The following NR3C2 variants were observed in gnomAD, a reference collection of about 807,000 sequenced individuals.
NR3C2 encodes mineralocorticoid receptor.
In NR3C2, 15 loss-of-function variants were observed where a neutral mutation model predicts 86.4. The observed-to-expected ratio is 0.17, with a 90% CI of 0.12 to 0.27. The LOEUF (loss-of-function observed/expected upper bound fraction) is 0.27, where lower values mean the gene tolerates loss of function less well. Among genes scored for constraint, NR3C2 ranks in the 10% least tolerant of loss-of-function variants. The probability of loss-of-function intolerance (pLI) is 1.00; values close to 1 mark genes in which losing one functional copy is unlikely to be tolerated. For missense variants in NR3C2, 960 were observed against 1,195.6 expected, an observed-to-expected ratio of 0.80 and a Z score of 2.91; for synonymous variants, 458 against 450.5, an observed-to-expected ratio of 1.02 and a Z score of -0.21.
intron 4 of NR3C2, 39 bp from the exon 5 acceptor site, chr4:148,154,940 A>G: frequency 6.7e-7 from 1 of 1,484,674 alleles, no homozygotes. Context: ...AATTAAAATT[A>G]TGTTTGAAAT....
chr4:148,418,203 A>G (rs1749105309), intron 2 of NR3C2, among the ~76,000 whole-genome samples: 2 of 152,182 alleles, frequency 1.3e-5, no homozygotes, highest in South Asian at 4.1e-4. Context: ...TGTGCAGCCT[A>G]TCTTATCTAT....
intron 2 of NR3C2, among the ~76,000 whole-genome samples, chr4:148,354,491 T>C (rs115667864): frequency 9.3e-4 from 141 of 152,134 alleles, no homozygotes; most frequent in African/African-American, 3.3e-3. Context: ...CACAATCCAA[T>C]CCTGCAGGTA....
intron 2 of NR3C2, among the ~76,000 whole-genome samples, chr4:148,406,228 A>G (rs1391858551): frequency 1.3e-5 from 2 of 152,144 alleles, no homozygotes; most frequent in Non-Finnish European, 2.9e-5. Flanking sequence ...TTCATGAGGC[A>G]TGCATTCTAG....
At chr4:148,181,457 G>A (rs890413361) in intron 4 of NR3C2, among the ~76,000 whole-genome samples, 5 of 152,280 alleles carry the variant, frequency 3.3e-5, no homozygotes, top group African/African-American at 1.2e-4. Flanking sequence ...CTATGGCCAG[G>A]GGGCAGTCAA....
At chr4:148,253,808 C>T (rs1739692556) in intron 3 of NR3C2, among the ~76,000 whole-genome samples, 1 of 152,166 alleles carries the variant, frequency 6.6e-6, no homozygotes, top group African/African-American at 2.4e-5. Context: ...TCATCACCCC[C>T]TCACTAGAAT....
chr4:148,146,202 G>A (rs551647279), intron 6 of NR3C2, among the ~76,000 whole-genome samples: 5 of 152,176 alleles, frequency 3.3e-5, no homozygotes, highest in East Asian at 1.9e-4. Context: ...CCCAACCATC[G>A]CTGGCCCTAA....
rs1578878652 is a variant in NR3C2 at position 148,097,827 on chromosome 4, C to T, written c.2799+16277G>A. Among the ~76,000 whole-genome samples the T allele has an allele frequency of 2.8e-5, 4 of 141,084 alleles. No homozygotes were observed. The Admixed American group carries it at 3.1e-4, about 11-fold the overall frequency. The allele number at this position is 141,084 out of a possible 152,430, so 92.6% of individuals were successfully genotyped here. ...TTATGTGCAGCCCAAGACAATTCTT[C>T]TTCCAATGTGGCCCAGGGAAGCCAA... On this transcript the variant is annotated intron_variant, in intron 8 of 8. Transcript: ENST00000358102.
At chr4:148,265,289 G>A (rs920366425) in intron 2 of NR3C2, among the ~76,000 whole-genome samples, 1 of 152,152 alleles carries the variant, frequency 6.6e-6, no homozygotes, top group African/African-American at 2.4e-5. Flanking sequence ...TTTGGTGACA[G>A]TCAGGAGGAA....
At chr4:148,427,433 G>T (rs377259839) in intron 2 of NR3C2, among the ~76,000 whole-genome samples, 2 of 151,984 alleles carry the variant, frequency 1.3e-5, no homozygotes, top group African/African-American at 4.8e-5. Flanking sequence ...GTGAAGAAAG[G>T]GGGTGGCCAA....
intron 4 of NR3C2, among the ~76,000 whole-genome samples, chr4:148,173,911 C>T (rs1232262195): frequency 6.6e-6 from 1 of 152,110 alleles, no homozygotes; most frequent in Non-Finnish European, 1.5e-5. Context: ...GTATTAGGAT[C>T]CCTAGCATAA....
chr4:148,128,876 T>C (rs1017478558), intron 6 of NR3C2, among the ~76,000 whole-genome samples: 1 of 152,220 alleles, frequency 6.6e-6, no homozygotes, highest in African/African-American at 2.4e-5. Flanking sequence ...TGCCAAGAAA[T>C]AGCCCTTTGC....
At chr4:148,272,559 TAA>T (rs1740741911) in intron 2 of NR3C2, among the ~76,000 whole-genome samples, 1 of 152,174 alleles carries the variant, frequency 6.6e-6, no homozygotes, top group African/African-American at 2.4e-5. Context: ...GTCCTTCAAA[TAA>T]AAAGACATCC....
chr4:148,286,409 T>C (rs1424998868), intron 2 of NR3C2, among the ~76,000 whole-genome samples: 3 of 152,074 alleles, frequency 2.0e-5, no homozygotes, highest in Non-Finnish European at 4.4e-5. Context: ...TTGTTTAGAG[T>C]CTACAGCAAT....
intron 8 of NR3C2, among the ~76,000 whole-genome samples, chr4:148,105,419 G>A (rs560535955): frequency 2.0e-4 from 30 of 152,252 alleles, no homozygotes; most frequent in African/African-American, 5.5e-4. Flanking sequence ...AGGACTAGAC[G>A]GATTCACAGC....
chr4:148,373,101 G>C (rs770827324), intron 2 of NR3C2, among the ~76,000 whole-genome samples: 2 of 152,144 alleles, frequency 1.3e-5, no homozygotes, highest in African/African-American at 4.8e-5. Context: ...ATTTCCTCCT[G>C]AATAACTTTT....
At chr4:148,179,240 C>T (rs1267191901) in intron 4 of NR3C2, among the ~76,000 whole-genome samples, 1 of 151,546 alleles carries the variant, frequency 6.6e-6, no homozygotes, top group African/African-American at 2.4e-5. Context: ...ATTGAGGATG[C>T]TACTTGGAAA....
intron 2 of NR3C2, among the ~76,000 whole-genome samples, chr4:148,349,034 C>T (rs981637064): frequency 1.3e-5 from 2 of 152,104 alleles, no homozygotes; most frequent in South Asian, 2.1e-4. Flanking sequence ...AGTAAAATAA[C>T]TCAAGAAAGA....
chr4:148,090,784 C>T (rs1023322668), intron 8 of NR3C2, among the ~76,000 whole-genome samples: 38 of 152,320 alleles, frequency 2.5e-4, no homozygotes, highest in African/African-American at 8.4e-4. Flanking sequence ...GTTGGCATTT[C>T]CCACCCACCT....
chr4:148,385,225 A>G (rs1382621103), intron 2 of NR3C2, among the ~76,000 whole-genome samples: 3 of 152,234 alleles, frequency 2.0e-5, no homozygotes, highest in African/African-American at 7.2e-5. Flanking sequence ...TCACATCACC[A>G]TTATATAATA....
Sources: gnomAD v4.1 joint callset for allele counts (sites outside exome capture counted in the v4.1 genomes callset) on GRCh38, gnomAD v4.1.1 for gene constraint, MANE v1.5 for transcripts, NCBI Gene and HGNC (gene_info 2026-07-23, HGNC 2026-07-21) for gene names.